Variants in DENND4C observed in about 807,000 individuals in gnomAD.
DENND4C encodes DENN domain-containing protein 4C.
Under a neutral mutation model 203.0 loss-of-function variants are expected in DENND4C, and 108 were observed. The observed-to-expected ratio is 0.53, with a 90% CI of 0.46 to 0.62. The LOEUF (loss-of-function observed/expected upper bound fraction) is 0.62, where lower values mean the gene tolerates loss of function less well. DENND4C is among the 20% of genes least tolerant of loss of function. The pLI is 0.00. For missense variants in DENND4C, 2,481 were observed against 2,301.2 expected, an observed-to-expected ratio of 1.08 and a Z score of -1.60; for synonymous variants, 871 against 792.4, an observed-to-expected ratio of 1.10 and a Z score of -1.67.
At chr9:19,310,472 C>T (rs900027345) in intron 10 of DENND4C, among the ~76,000 whole-genome samples, 2 of 152,222 alleles carry the variant, frequency 1.3e-5, no homozygotes, top group African/African-American at 2.4e-5. Context: ...TGCCTGCTTC[C>T]ATGATGCAAC....
chr9:19,306,775 A>G (rs993518138), intron 10 of DENND4C, among the ~76,000 whole-genome samples: 2 of 150,036 alleles, frequency 1.3e-5, no homozygotes, highest in Admixed American at 6.7e-5. Flanking sequence ...TTATTTATTT[A>G]TTTATTTATT....
chr9:19,328,131 G>A lies in DENND4C; in HGVS notation c.2222G>A (p.Ser741Asn). The A allele has an allele frequency of 6.2e-7, 1 of 1,613,020 alleles. No individual in the cohort carries two copies. Among genetic ancestry groups the A allele is most frequent in the Non-Finnish European group, 8.5e-7 (1 of 1,179,626 alleles). Residue 741 changes from serine to asparagine, a missense_variant, in exon 16 of 33, where the codon AGT (serine) becomes AAT (asparagine). Transcript: ENST00000434457. ...CCTACTGGGAATAGCATTACAAAGA[G>A]TCCACCTCTCATGGCTAAGAGAACT... ...RHPTGNSITK[S>N]PPLMAKRTKQ...
intron 30 of DENND4C, among the ~76,000 whole-genome samples, chr9:19,364,927 T>C (rs1452330633): frequency 3.3e-5 from 5 of 152,086 alleles, no homozygotes; most frequent in African/African-American, 9.7e-5. Context: ...AAAAGAAATT[T>C]TGCCCAGGGG....
intron 26 of DENND4C, among the ~76,000 whole-genome samples, chr9:19,354,712 A>T (rs957071793): frequency 2.0e-5 from 3 of 150,516 alleles, no homozygotes; most frequent in Non-Finnish European, 3.0e-5. Flanking sequence ...TGCCCAGCTA[A>T]TTTTTGTAAT....
chr9:19,268,119 G>A (rs557874250), intron 1 of DENND4C, among the ~76,000 whole-genome samples: 3 of 142,636 alleles, frequency 2.1e-5, no homozygotes, highest in East Asian at 2.1e-4. Flanking sequence ...TTTTTTTCCC[G>A]TACAGAGTCT....
intron 1 of DENND4C, among the ~76,000 whole-genome samples, chr9:19,253,850 C>T (rs1827258235): frequency 6.6e-6 from 1 of 152,168 alleles, no homozygotes; most frequent in Admixed American, 6.6e-5. Flanking sequence ...CTGTTCTAAA[C>T]AGTAAGGTGG....
At chr9:19,258,662 T>TTTTTTTTTTTG (rs1457796999) in intron 1 of DENND4C, among the ~76,000 whole-genome samples, 2 of 147,120 alleles carry the variant, frequency 1.4e-5, no homozygotes, top group African/African-American at 2.5e-5. Context: ...AAATTTTAAG[T>TTTTTTTTTTTG]TTTTTTTTTT....
At chr9:19,254,694 C>A (rs973695504) in intron 1 of DENND4C, among the ~76,000 whole-genome samples, 1 of 152,018 alleles carries the variant, frequency 6.6e-6, no homozygotes, top group African/African-American at 2.4e-5. Context: ...TGTAAGTGAC[C>A]CATGGTCACT....
At chr9:19,341,759 T>G (rs1588954379) in intron 21 of DENND4C, among the ~76,000 whole-genome samples, 1 of 152,342 alleles carries the variant, frequency 6.6e-6, no homozygotes, top group Non-Finnish European at 1.5e-5. Context: ...GTGCCCTTTT[T>G]AATTCTAAAA....
At chr9:19,264,722 TTTTG>T (rs1380070547) in intron 1 of DENND4C, among the ~76,000 whole-genome samples, 2 of 152,164 alleles carry the variant, frequency 1.3e-5, no homozygotes, top group Non-Finnish European at 1.5e-5. Context: ...GGTTTGTCCA[TTTTG>T]TTTATCTTTT....
chr9:19,318,181 T>C (rs1842161720), intron 12 of DENND4C, among the ~76,000 whole-genome samples: 1 of 152,084 alleles, frequency 6.6e-6, no homozygotes, highest in African/African-American at 2.4e-5. Flanking sequence ...TAGCCAGGTG[T>C]GGTGGTGTGT....
At chr9:19,324,222 T>C (rs1843348893) in intron 12 of DENND4C, 140 bp from the exon 13 acceptor site, 2 of 517,860 alleles carry the variant, frequency 3.9e-6, no homozygotes, top group South Asian at 7.2e-5. Flanking sequence ...ATACTCAACC[T>C]ATAGAAGCTT....
At chr9:19,287,520 A>G (rs1835433719) in intron 3 of DENND4C, among the ~76,000 whole-genome samples, 1 of 151,892 alleles carries the variant, frequency 6.6e-6, no homozygotes, top group South Asian at 2.1e-4. Context: ...AGCTGGGACT[A>G]CAGGATAGTA....
rs779058652 is a variant in DENND4C, at chr9:19,345,921, G to A, written c.3152G>A (p.Gly1051Asp). The change falls in exon 23 of 33, where the codon GGT becomes GAT. Residue 1051 changes from glycine to aspartate, a missense_variant and splice_region_variant. Gly to Asp is a moderately conservative substitution (Grantham distance 94, BLOSUM62 -1). This residue lies in a region of DENND4C where 2,289 missense variants were observed against 2,113.3 expected (regional missense o/e 1.08). Transcript: ENST00000434457. ...FDVNSRKSST[G>D]SISNVLFSTQ... ...GTTAATATTTTACTTTCCCTTTTAG[G>A]TAGTATATCAAATGTGCTGTTTTCT... The A allele has an allele frequency of 1.9e-6, 3 of 1,601,856 alleles. No individual in the cohort carries two copies. Among genetic ancestry groups the A allele is most frequent in the Non-Finnish European group, 2.6e-6 (3 of 1,174,952 alleles).
chr9:19,348,086 C>T (rs543103694), intron 23 of DENND4C, among the ~76,000 whole-genome samples: 1 of 152,078 alleles, frequency 6.6e-6, no homozygotes, highest in Non-Finnish European at 1.5e-5. Flanking sequence ...AACAGTATGT[C>T]CTAGGTACTG....
intron 1 of DENND4C, among the ~76,000 whole-genome samples, chr9:19,248,303 T>C (rs1393497265): frequency 6.6e-6 from 1 of 152,198 alleles, no homozygotes; most frequent in Non-Finnish European, 1.5e-5. Context: ...ATTAATTGAC[T>C]TTTTTCCTGC....
intron 23 of DENND4C, 140 bp from the exon 24 acceptor site, chr9:19,350,562 G>C (rs978900843): frequency 1.5e-6 from 1 of 650,112 alleles, no homozygotes; most frequent in Admixed American, 3.0e-5. Context: ...ATAGTGAGGA[G>C]ATTTCATGGT....
chr9:19,267,216 T>G (rs1348901790), intron 1 of DENND4C, among the ~76,000 whole-genome samples: 1 of 152,340 alleles, frequency 6.6e-6, no homozygotes, highest in East Asian at 1.9e-4. Context: ...TGTTGAAGTT[T>G]CCAGCAATTA....
At chr9:19,289,449 A>G (rs1835836475) in intron 4 of DENND4C, among the ~76,000 whole-genome samples, 1 of 152,242 alleles carries the variant, frequency 6.6e-6, no homozygotes, top group African/African-American at 2.4e-5. Context: ...TCATAAAAAC[A>G]TTCATACTAA....
Sources: gnomAD v4.1 joint callset for allele counts (sites outside exome capture counted in the v4.1 genomes callset) on GRCh38, gnomAD v4.1.1 for gene constraint, gnomAD v4.1.1 regional missense constraint, MANE v1.5 for transcripts, NCBI Gene and HGNC (gene_info 2026-07-23, HGNC 2026-07-21) for gene names.